The following VAV1 variants were observed in gnomAD, a reference collection of about 807,000 sequenced individuals.
VAV1 encodes vav guanine nucleotide exchange factor 1.
In VAV1, 33 loss-of-function variants were observed where a neutral mutation model predicts 128.1. The observed-to-expected ratio is 0.26, with a 90% CI of 0.20 to 0.34. VAV1 has a LOEUF of 0.34. VAV1 is among the 10% of genes least tolerant of loss of function. The pLI is 1.00. For missense variants in VAV1, 715 were observed against 1,093.7 expected (o/e 0.65, Z 4.88); for synonymous variants, 394 against 409.8 (o/e 0.96, Z 0.47).
intron 21 of VAV1, among the ~76,000 whole-genome samples, chr19:6,841,025 G>A (rs879869598): frequency 4.0e-5 from 6 of 151,710 alleles, no homozygotes; most frequent in Admixed American, 2.0e-4. Flanking sequence ...TGATCTGCCC[G>A]CGTTGGCCTC....
rs533658535 is a variant in VAV1 at position 6,846,917 on chromosome 19, G to GTT, written c.2013-1069_2013-1068dup. On this transcript the variant is annotated intron_variant, in intron 22 of 26. Transcript: ENST00000602142. ...TTATATTTATATTCAGTGGCTTTTTGTTTTTTTTTTTTTGGAGACAGAGTT... is the reference window on the plus strand; with the variant it reads ...TTATATTTATATTCAGTGGCTTTTTGTTTTTTTTTTTTTTTGGAGACAGAGTT... Among the ~76,000 whole-genome samples, 825 of 135,358 alleles carry GTT rather than the reference G, an allele frequency of 6.1e-3. 8 individuals are homozygous for GTT. Among genetic ancestry groups the GTT allele is most frequent in the African/African-American group, 0.021 (775 of 37,228 alleles). The allele number at this position is 135,358 out of a possible 152,430, so 88.8% of individuals were successfully genotyped here.
intron 1 of VAV1, among the ~76,000 whole-genome samples, chr19:6,785,082 G>A (rs1381255856): frequency 6.6e-6 from 1 of 152,184 alleles, no homozygotes; most frequent in Admixed American, 6.5e-5. Context: ...CAGGGCCTTT[G>A]CACTGGCTCT....
At position 6,828,100 on chromosome 19, in the gene VAV1, G is replaced by C. The variant is rs1291265584; in HGVS notation, c.952G>C (p.Gly318Arg). 1 of 1,614,128 alleles carries C rather than the reference G, an allele frequency of 6.2e-7. No individual in the cohort carries two copies. Among genetic ancestry groups the C allele is most frequent in the South Asian group, 1.1e-5 (1 of 91,082 alleles). ...GGAATGTTCTCAGAGAGCCAACAAC[G>C]GGAGGTTCACCCTGCGGGACCTGCT... is the stretch of plus-strand genomic sequence containing the variant. ...LEECSQRANNGRFTLRDLLMV... is the reference protein window; with the variant it reads ...LEECSQRANNRRFTLRDLLMV... The change falls in exon 10 of 27, where the codon GGG (glycine) becomes CGG (arginine). Residue 318 changes from glycine (G) to arginine (R), a missense_variant. Gly to Arg is a moderately radical substitution (Grantham distance 125). Around this residue, in one of 3 missense-constraint regions of VAV1, gnomAD observed 302 missense variants for 477.8 expected, o/e 0.63. Transcript: ENST00000602142. The surrounding 1 kb of genome is among the most constrained non-coding windows in gnomAD (Gnocchi z 4.5).
chr19:6,803,664 A>G (rs1971321565), intron 1 of VAV1, among the ~76,000 whole-genome samples: 1 of 152,130 alleles, frequency 6.6e-6, no homozygotes, highest in African/African-American at 2.4e-5. Context: ...TCCCAGGTCC[A>G]AGCTGTTCTC....
chr19:6,814,716 C>CTTTCTTTCTT, intron 1 of VAV1, among the ~76,000 whole-genome samples: 1 of 132,106 alleles, frequency 7.6e-6, no homozygotes, highest in Non-Finnish European at 1.6e-5. Context: ...TTCTTTCTTT[C>CTTTCTTTCTT]TTTCTTTCTT....
chr19:6,795,280 CAAAG>C (rs1385466557), intron 1 of VAV1, among the ~76,000 whole-genome samples: 1 of 151,934 alleles, frequency 6.6e-6, no homozygotes, highest in Admixed American at 6.6e-5. Flanking sequence ...CAGCGCAAAA[CAAAG>C]GAAGGGGATG....
chr19:6,795,001 T>C (rs2081136666), intron 1 of VAV1, among the ~76,000 whole-genome samples: 2 of 152,126 alleles, frequency 1.3e-5, no homozygotes, highest in Admixed American at 6.6e-5. Context: ...TATCTCCAAG[T>C]GGCTTGGGCT....
rs1972706346 is a variant in VAV1 at position 6,853,026 on chromosome 19, C to T, written c.2279C>T (p.Thr760Ile). 6.2e-7 allele frequency: 1 copy of T among 1,611,976 alleles called. No individual in the cohort carries two copies. ...LKDCFKSLDT[T>I]LQFPFKEPEK... ...GATTGCTTCAAGTCTCTGGACACCA[C>T]CTTGCAGTTCCCCTTCAAGGAGCCT... Residue 760 changes from threonine to isoleucine, a missense_variant, in exon 25 of 27, where the codon ACC becomes ATC. Coordinates refer to ENST00000602142, the MANE Select transcript of VAV1 (RefSeq NM_005428.4).
rs1401167652 is a variant in VAV1, at chr19:6,828,312, G to T, written c.1024-107G>T. 1.9e-6 allele frequency: 3 copies of T among 1,540,442 alleles called. No homozygotes were observed. The highest frequency in any genetic ancestry group is 2.7e-6 in the Non-Finnish European group (3 of 1,122,118). ...CTGGGGTCATGTCTCAGCCTCCAGG[G>T]TCAGCAGTACGATGGAGGAGCTGGT... On this transcript the variant is annotated intron_variant, in intron 10 of 26. Coordinates refer to ENST00000602142, the MANE Select transcript of VAV1 (RefSeq NM_005428.4). This position sits in a 1 kb window ranked among gnomAD's most constrained non-coding sequence, Gnocchi z 4.5.
chr19:6,850,526 A>C, intron 23 of VAV1, 144 bp from the exon 24 acceptor site: 3 of 666,078 alleles, frequency 4.5e-6, no homozygotes, highest in Non-Finnish European at 5.2e-6. Context: ...GCCCCAGGGA[A>C]TGGGCTCTGT....
At chr19:6,846,686 T>C (rs1280820019) in intron 22 of VAV1, among the ~76,000 whole-genome samples, 1 of 148,352 alleles carries the variant, frequency 6.7e-6, no homozygotes, top group Non-Finnish European at 1.5e-5. Context: ...ATAGACTATA[T>C]ATGGTGTATT....
At chr19:6,840,245 A>G (rs543217757) in intron 21 of VAV1, among the ~76,000 whole-genome samples, 69 of 151,320 alleles carry the variant, frequency 4.6e-4, no homozygotes, top group Admixed American at 4.5e-3. Context: ...AGCTTGTTTC[A>G]CTTGGCATAA....
chr19:6,837,146 A>C (rs983804334), intron 21 of VAV1, 96 bp downstream of exon 21: 3 of 1,319,530 alleles, frequency 2.3e-6, no homozygotes, highest in African/African-American at 2.9e-5. Flanking sequence ...GGAGTTGGGG[A>C]GGGGGCTGCC....
At chr19:6,811,574 A>G (rs887979567) in intron 1 of VAV1, among the ~76,000 whole-genome samples, 1 of 152,128 alleles carries the variant, frequency 6.6e-6, no homozygotes, top group South Asian at 2.1e-4. Context: ...AAGAAGAGAT[A>G]TTGGAGATGG....
chr19:6,845,156 C>T (rs1014591867), intron 22 of VAV1, among the ~76,000 whole-genome samples: 4 of 151,838 alleles, frequency 2.6e-5, no homozygotes, highest in African/African-American at 7.3e-5. Context: ...CGAGGCGGGT[C>T]GATCACTTGA....
chr19:6,816,169 A>G (rs542072654), intron 1 of VAV1, among the ~76,000 whole-genome samples: 15 of 151,968 alleles, frequency 9.9e-5, no homozygotes, highest in South Asian at 6.3e-4. Flanking sequence ...ACAGGCGCAC[A>G]CCACCACGCC....
intron 1 of VAV1, among the ~76,000 whole-genome samples, chr19:6,794,904 G>C (rs1231901653): frequency 4.6e-5 from 7 of 152,118 alleles, no homozygotes; most frequent in African/African-American, 1.7e-4. Flanking sequence ...TGCTCTGGAG[G>C]ATTCTTCGTC....
rs891688320 is a variant in VAV1 at position 6,822,167 on chromosome 19, A to C, written c.450-54A>C. Reference sequence around the variant, plus strand: ...AAGCCCTGCGCTGGGGTCTGCGGGGACCCTGCTGTGATCTGGGAGAGGTCC... The same window carrying C: ...AAGCCCTGCGCTGGGGTCTGCGGGGCCCCTGCTGTGATCTGGGAGAGGTCC... On this transcript the variant is annotated intron_variant, in intron 4 of 26. Transcript: ENST00000602142. The surrounding 1 kb of genome is among the most constrained non-coding windows in gnomAD (Gnocchi z 5.9). The C allele has an allele frequency of 1.5e-5, 22 of 1,511,208 alleles. No individual in the cohort carries two copies. Among genetic ancestry groups the C allele is most frequent in the Non-Finnish European group, 1.9e-5 (21 of 1,111,372 alleles). The allele number at this position is 1,511,208 out of a possible 1,614,324, so 93.6% of individuals were successfully genotyped here.
chr19:6,850,225 G>GTTTTTTTTTTTTTTTTTTT (rs760967154), intron 23 of VAV1, among the ~76,000 whole-genome samples: 8 of 49,036 alleles, frequency 1.6e-4, no homozygotes, highest in African/African-American at 6.5e-4. Context: ...TTGTTTCTTT[G>GTTTTTTTTTTTTTTTTTTT]TTTTTTTTTT....
Sources: gnomAD v4.1 joint callset for allele counts (sites outside exome capture counted in the v4.1 genomes callset) on GRCh38, gnomAD v4.1.1 for gene constraint, gnomAD v4.1.1 regional missense constraint, Gnocchi (gnomAD v3.1) non-coding constraint, MANE v1.5 for transcripts, NCBI Gene and HGNC (gene_info 2026-07-23, HGNC 2026-07-21) for gene names.